ADAP2: variants seen among roughly 807,000 people sequenced by gnomAD.
ADAP2 encodes the protein ArfGAP with dual PH domains 2, also known as arf-GAP with dual PH domain-containing protein 2.
A neutral mutation model predicts 54.9 loss-of-function variants in ADAP2; 42 were observed. The observed-to-expected ratio is 0.77, with a 90% confidence interval of 0.60 to 0.99. The LOEUF (loss-of-function observed/expected upper bound fraction) is 0.99. Ranked by LOEUF, ADAP2 falls within the 50% of genes least tolerant of loss-of-function variation. The probability of loss-of-function intolerance (pLI) is 0.00; values close to 1 mark genes in which losing one functional copy is unlikely to be tolerated. For missense variants in ADAP2, 429 were observed against 480.4 expected (o/e 0.89, Z 1.00); for synonymous variants, 177 against 180.1 (o/e 0.98, Z 0.14).
chr17:30,923,174 G>C, intron 2 of ADAP2, 104 bp downstream of exon 2: 1 of 1,360,732 alleles, frequency 7.3e-7, no homozygotes, highest in Non-Finnish European at 1.0e-6. Flanking sequence ...GAACCAGAGA[G>C]GGGCAAGTCT....
intron 3 of ADAP2, among the ~76,000 whole-genome samples, chr17:30,929,877 G>T (rs1911344441): frequency 6.6e-6 from 1 of 151,552 alleles, no homozygotes. Context: ...TTGTATTTTT[G>T]TTTGTTTTTA....
chr17:30,948,440 G>A (rs960147102), intron 6 of ADAP2, among the ~76,000 whole-genome samples: 6 of 151,994 alleles, frequency 3.9e-5, no homozygotes, highest in Non-Finnish European at 8.8e-5. Context: ...TGTGGTGGTG[G>A]GCGCCTGTAG....
chr17:30,952,485 C>T (rs1904742081), intron 7 of ADAP2, among the ~76,000 whole-genome samples: 1 of 152,180 alleles, frequency 6.6e-6, no homozygotes, highest in Non-Finnish European at 1.5e-5. Flanking sequence ...AAGGGATTCT[C>T]TTGCCTCAGC....
chr17:30,933,675 T>G (rs1267297837), intron 4 of ADAP2, among the ~76,000 whole-genome samples: 1 of 152,158 alleles, frequency 6.6e-6, no homozygotes, highest in Non-Finnish European at 1.5e-5. Flanking sequence ...AATTTTTGTA[T>G]TTTTAGTAGA....
At chr17:30,927,719 C>A (rs1202159060) in intron 3 of ADAP2, among the ~76,000 whole-genome samples, 1 of 151,842 alleles carries the variant, frequency 6.6e-6, no homozygotes, top group Admixed American at 6.6e-5. Context: ...TAAATACTAA[C>A]CATAAAAATA....
At chr17:30,933,276 A>G (rs1220269288) in intron 4 of ADAP2, among the ~76,000 whole-genome samples, 1 of 149,568 alleles carries the variant, frequency 6.7e-6, no homozygotes, top group Non-Finnish European at 1.5e-5. Flanking sequence ...CAACTTCCAC[A>G]TCCCAGGTTC....
rs1201661908 is a variant in ADAP2 at position 30,956,341 on chromosome 17, C to T, written c.983C>T (p.Ala328Val). 2 of 1,614,132 alleles carry T rather than the reference C, an allele frequency of 1.2e-6. No homozygotes were observed. Among genetic ancestry groups the T allele is most frequent in the African/African-American group, 2.7e-5 (2 of 74,946 alleles). The change falls in exon 10 of 11, where the codon GCC becomes GTC. Residue 328 changes from alanine to valine, a missense_variant. Ala to Val is a moderately conservative substitution (Grantham distance 64). Transcript: ENST00000330889. ...GGCATCCGAGGAAATCGCTGGAAAG[C>T]CGGACTCACCATTGTCACCCCAGAG... ...PKGIRGNRWK[A>V]GLTIVTPERR...
At position 30,922,083 on chromosome 17, in the gene ADAP2, G is replaced by C. The variant is rs868535458; in HGVS notation, c.69G>C (p.Ala23=). The change falls in exon 1 of 11, where the codon GCG becomes GCC. Residue 23 remains alanine, a synonymous_variant. Transcript: ENST00000330889. ...ELLRAPDTGN[A]HCADCGAADP... ...TGCGGGCGCCGGACACAGGCAACGC[G>C]CACTGCGCCGACTGCGGGGCGGCAG... The C allele has an allele frequency of 8.0e-7, 1 of 1,255,846 alleles. No homozygotes were observed. The highest frequency in any genetic ancestry group is 1.0e-6 in the Non-Finnish European group (1 of 1,002,680). 77.8% of individuals were successfully genotyped at this position (1,255,846 alleles called of 1,614,324 possible).
chr17:30,949,433 T>C, intron 7 of ADAP2, 63 bp downstream of exon 7: 1 of 1,490,342 alleles, frequency 6.7e-7, no homozygotes. Flanking sequence ...TTTCCCTGTC[T>C]GTTGACCTCG....
At chr17:30,923,248 C>T (rs942907335) in intron 2 of ADAP2, among the ~76,000 whole-genome samples, 178 bp downstream of exon 2, 10 of 150,592 alleles carry the variant, frequency 6.6e-5, no homozygotes, top group African/African-American at 2.5e-4. Flanking sequence ...CAAATTCTGG[C>T]TCTATCATTT....
At chr17:30,957,667 G>A (rs1905169956) in intron 10 of ADAP2, among the ~76,000 whole-genome samples, 168 bp from the exon 11 acceptor site, 1 of 152,130 alleles carries the variant, frequency 6.6e-6, no homozygotes, top group East Asian at 1.9e-4. Flanking sequence ...CTGAGCTCAA[G>A]TGATCCACCT....
chr17:30,941,283 A>G (rs1912250891), intron 5 of ADAP2, among the ~76,000 whole-genome samples: 1 of 152,242 alleles, frequency 6.6e-6, no homozygotes, highest in Non-Finnish European at 1.5e-5. Flanking sequence ...CATGAACAAG[A>G]TGATTTTTTT....
At chr17:30,949,251 C>T (rs1400921350) in intron 6 of ADAP2, 36 bp from the exon 7 acceptor site, 2 of 1,577,224 alleles carry the variant, frequency 1.3e-6, no homozygotes, top group African/African-American at 2.7e-5. Context: ...CCCCATCTCA[C>T]TGCTGTGTGT....
intron 5 of ADAP2, among the ~76,000 whole-genome samples, chr17:30,944,375 GC>G (rs1912496462): frequency 6.6e-6 from 1 of 152,038 alleles, no homozygotes; most frequent in Admixed American, 6.5e-5. Context: ...AGTGGCTCAT[GC>G]CTATAATCCC....
intron 4 of ADAP2, among the ~76,000 whole-genome samples, chr17:30,933,113 T>C (rs909052190): frequency 2.0e-5 from 3 of 152,152 alleles, no homozygotes; most frequent in African/African-American, 7.2e-5. Context: ...CAGTAAAGTA[T>C]AAAAAATCAT....
In ADAP2 at chr17:30,953,122, T is replaced by C. The variant is rs1904800674; in HGVS notation, c.742-166T>C. Among the ~76,000 whole-genome samples the C allele has an allele frequency of 6.6e-5, 10 of 152,142 alleles. No individual in the cohort carries two copies. The South Asian group carries it at 2.1e-3, about 32-fold the overall frequency. On this transcript the variant is annotated intron_variant, in intron 7 of 10. Coordinates refer to ENST00000330889, the MANE Select transcript of ADAP2 (RefSeq NM_018404.3). Reference sequence around the variant, plus strand: ...CTGGGGTGCTGTCGACTGGCTTTGTTGAAATATTAATATTATGACCATTGC... The same window carrying C: ...CTGGGGTGCTGTCGACTGGCTTTGTCGAAATATTAATATTATGACCATTGC...
chr17:30,923,693 CTTTTTTTTTTT>C (rs1013811428), intron 2 of ADAP2, among the ~76,000 whole-genome samples: 3 of 92,410 alleles, frequency 3.2e-5, no homozygotes, highest in Admixed American at 2.8e-4. Context: ...TTCTTTCTTC[CTTTTTTTTTTT>C]TTTTTTTTTT....
At position 30,922,082 on chromosome 17, in the gene ADAP2, C is replaced by G. The variant is rs1450295425; in HGVS notation, c.68C>G (p.Ala23Gly). 1.6e-6 allele frequency: 2 copies of G among 1,255,576 alleles called. No individual in the cohort carries two copies. The highest frequency in any genetic ancestry group is 2.0e-6 in the Non-Finnish European group (2 of 1,002,554). 77.8% of individuals were successfully genotyped at this position (1,255,576 alleles called of 1,614,324 possible). The change falls in exon 1 of 11, where the codon GCG becomes GGG. Residue 23 changes from alanine to glycine, a missense_variant. Ala to Gly is a moderately conservative substitution (Grantham distance 60). Transcript: ENST00000330889. ...CTGCGGGCGCCGGACACAGGCAACGCGCACTGCGCCGACTGCGGGGCGGCA... is the reference window on the plus strand; with the variant it reads ...CTGCGGGCGCCGGACACAGGCAACGGGCACTGCGCCGACTGCGGGGCGGCA... Reference protein sequence around the residue: ...ELLRAPDTGNAHCADCGAADP... With the variant: ...ELLRAPDTGNGHCADCGAADP...
intron 2 of ADAP2, among the ~76,000 whole-genome samples, chr17:30,923,281 T>G (rs1316900102): frequency 6.6e-6 from 1 of 150,612 alleles, no homozygotes; most frequent in Admixed American, 6.6e-5. Flanking sequence ...TTTTTTTTTT[T>G]TGAGACGGAG....
Sources: allele counts gnomAD v4.1 joint callset (sites outside exome capture counted in the v4.1 genomes callset), GRCh38; gene constraint gnomAD v4.1.1; transcripts MANE v1.5; gene names NCBI Gene and HGNC (gene_info 2026-07-23, HGNC 2026-07-21).